The following TRMT11 variants were observed in gnomAD, a reference collection of about 807,000 sequenced individuals.
TRMT11 encodes tRNA (guanine(10)-N(2))-methyltransferase TRMT11.
Under a neutral mutation model 62.8 loss-of-function variants are expected in TRMT11, and 53 were observed. That is an observed-to-expected ratio of 0.84 (90% CI 0.68 to 1.06). The LOEUF (loss-of-function observed/expected upper bound fraction) is 1.06, where lower values mean the gene tolerates loss of function less well. TRMT11 is among the 50% of genes least tolerant of loss of function. The probability of loss-of-function intolerance (pLI) is 0.00; values close to 1 mark genes in which losing one functional copy is unlikely to be tolerated. For synonymous variants in TRMT11, 188 were observed against 190.3 expected (o/e 0.99, Z 0.10); for missense variants, 556 against 553.4 (o/e 1.00, Z -0.05).
chr6:126,049,451 TC>T (rs1776149716), intron 16 of TRMT11, among the ~76,000 whole-genome samples: 1 of 152,206 alleles, frequency 6.6e-6, no homozygotes, highest in Non-Finnish European at 1.5e-5. Flanking sequence ...TTCTATAGAT[TC>T]CAAGAGTGTT....
chr6:126,121,890 A>G (rs1777654175), intron 21 of TRMT11, among the ~76,000 whole-genome samples: 1 of 152,042 alleles, frequency 6.6e-6, no homozygotes, highest in Non-Finnish European at 1.5e-5. Context: ...GCTCATCTGA[A>G]AATTTTGTAG....
chr6:126,078,030 C>T (rs539648606), intron 17 of TRMT11, among the ~76,000 whole-genome samples: 1 of 152,208 alleles, frequency 6.6e-6, no homozygotes, highest in South Asian at 2.1e-4. Context: ...AATGCATCAC[C>T]CCACTGAGGA....
At chr6:125,999,670 A>C in intron 7 of TRMT11, 57 bp downstream of exon 7, 1 of 1,452,314 alleles carries the variant, frequency 6.9e-7, no homozygotes, top group Middle Eastern at 2.0e-4. Context: ...ATATTAATGA[A>C]GGTCATGGTA....
At chr6:126,222,970 G>A in the TRMT11 span, among the ~76,000 whole-genome samples, 1 of 152,146 alleles carries the variant, frequency 6.6e-6, no homozygotes, top group Non-Finnish European at 1.5e-5. Context: ...ATGGTCTTTT[G>A]TTTCCATGCG....
the TRMT11 span, among the ~76,000 whole-genome samples, chr6:126,231,423 G>C: frequency 9.8e-3 from 1,487 of 152,238 alleles, 7 homozygotes; most frequent in Non-Finnish European, 0.017. Flanking sequence ...TTAAGAAAAA[G>C]TTATGTCGTA....
intron 3 of TRMT11, among the ~76,000 whole-genome samples, chr6:126,201,118 A>T (rs967217094): frequency 6.6e-6 from 1 of 152,192 alleles, no homozygotes; most frequent in Non-Finnish European, 1.5e-5. Context: ...TTAACAAATG[A>T]TATGTTTATT....
At chr6:126,244,317 T>A in the TRMT11 span, among the ~76,000 whole-genome samples, 13,194 of 152,222 alleles carry the variant, frequency 0.087, 1,877 homozygotes, top group African/African-American at 0.3. Context: ...ATATTCTGTG[T>A]TATTTTTAAA....
At chr6:126,089,004 G>T (rs1270242525) in intron 17 of TRMT11, among the ~76,000 whole-genome samples, 1 of 151,902 alleles carries the variant, frequency 6.6e-6, no homozygotes, top group Non-Finnish European at 1.5e-5. Context: ...TGCTAGTTTT[G>T]GTTGTATTTA....
intron 21 of TRMT11, among the ~76,000 whole-genome samples, chr6:126,168,245 TA>T (rs1778290743): frequency 6.6e-6 from 1 of 152,188 alleles, no homozygotes; most frequent in Non-Finnish European, 1.5e-5. Context: ...GAACCAGTGT[TA>T]GGGGGAGTTC....
At chr6:126,141,526 T>A (rs895681067) in intron 21 of TRMT11, among the ~76,000 whole-genome samples, 6 of 152,084 alleles carry the variant, frequency 3.9e-5, no homozygotes, top group Non-Finnish European at 8.8e-5. Context: ...GAAAGATAAA[T>A]TTATCTACTC....
intron 21 of TRMT11, among the ~76,000 whole-genome samples, chr6:126,141,837 T>G (rs1777920342): frequency 6.6e-6 from 1 of 152,100 alleles, no homozygotes; most frequent in South Asian, 2.1e-4. Context: ...AATATTTTCT[T>G]TCTCATAGTT....
At chr6:126,040,490 C>G (rs571023421), downstream of TRMT11, among the ~76,000 whole-genome samples, 2 of 152,158 alleles carry the variant, frequency 1.3e-5, no homozygotes, top group South Asian at 4.2e-4. Flanking sequence ...GTCTCAAGCC[C>G]TCTTATTTTA....
intron 21 of TRMT11, among the ~76,000 whole-genome samples, chr6:126,152,699 G>A (rs1778073137): frequency 6.6e-6 from 1 of 152,186 alleles, no homozygotes; most frequent in Non-Finnish European, 1.5e-5. Context: ...AGCTGAGGTT[G>A]CTTTTAAATA....
At chr6:126,142,420 C>T (rs1777926978) in intron 21 of TRMT11, among the ~76,000 whole-genome samples, 2 of 152,030 alleles carry the variant, frequency 1.3e-5, no homozygotes, top group African/African-American at 4.8e-5. Flanking sequence ...ATCACTATCA[C>T]ATATTTTATT....
chr6:126,082,807 GA>G (rs1281916330), intron 17 of TRMT11, among the ~76,000 whole-genome samples: 1 of 152,046 alleles, frequency 6.6e-6, no homozygotes, highest in African/African-American at 2.4e-5. Context: ...AACAGATAAA[GA>G]AGCAGGTACA....
chr6:126,068,565 A>G (rs988166791), intron 17 of TRMT11, among the ~76,000 whole-genome samples: 5 of 152,186 alleles, frequency 3.3e-5, no homozygotes, highest in African/African-American at 1.2e-4. Context: ...GGTCTGTTTT[A>G]AGGCTTTGTT....
chr6:126,092,478 C>T lies in TRMT11; in HGVS notation c.*1438-20388C>T, dbSNP rs141359138. Among the ~76,000 whole-genome samples the T allele has an allele frequency of 4.5e-4, 69 of 152,214 alleles. 1 individual carries two copies. Among genetic ancestry groups the T allele is most frequent in the East Asian group, 4.2e-3 (22 of 5,180 alleles). ...ACCATGAGAACAGTATGGGGGAAAC[C>T]GCCCCCATGATTCAATTATCTCCCA... On this transcript the variant is annotated intron_variant and NMD_transcript_variant, in intron 17 of 22. Coordinates refer to the TRMT11 transcript ENST00000648977.
chr6:126,151,701 A>C (rs1778040976), intron 21 of TRMT11, among the ~76,000 whole-genome samples: 1 of 148,472 alleles, frequency 6.7e-6, no homozygotes, highest in African/African-American at 2.5e-5. Flanking sequence ...CCTTTTATTC[A>C]CCCCTTCTCT....
chr6:126,104,325 A>G (rs1009123967), intron 17 of TRMT11, among the ~76,000 whole-genome samples: 3 of 152,220 alleles, frequency 2.0e-5, no homozygotes, highest in Non-Finnish European at 4.4e-5. Flanking sequence ...AACTGGGTGT[A>G]CTAGGACTGG....
Sources: allele counts gnomAD v4.1 joint callset (sites outside exome capture counted in the v4.1 genomes callset), GRCh38; gene constraint gnomAD v4.1.1; transcripts MANE v1.5; gene names NCBI Gene and HGNC (gene_info 2026-07-23, HGNC 2026-07-21).